The following NLRP2 variants were observed in gnomAD, a reference collection of about 807,000 sequenced individuals.
NLRP2 encodes NACHT, LRR and PYD domains-containing protein 2.
Under a neutral mutation model 97.2 loss-of-function variants are expected in NLRP2, and 107 were observed. The observed-to-expected ratio is 1.10, with a 90% CI of 0.94 to 1.29. NLRP2 has a LOEUF of 1.29. Ranked by LOEUF, NLRP2 falls within the 50% of genes most tolerant of loss-of-function variation. NLRP2 has a pLI of 0.00. For missense variants in NLRP2, 1,495 were observed against 1,330.3 expected (o/e 1.12, Z -1.93); for synonymous variants, 663 against 551.5 (o/e 1.20, Z -2.83).
chr19:54,970,369 GGCCAGGC>G, intron 2 of NLRP2, 74 bp downstream of exon 2: 1 of 1,571,392 alleles, frequency 6.4e-7, no homozygotes, highest in Non-Finnish European at 8.7e-7. Flanking sequence ...AAATTCAGAA[GGCCAGGC>G]GCGCTGGCTC....
Position 55,000,812 on chromosome 19 carries a change from G to A in NLRP2, c.3103G>A (p.Glu1035Lys). 1 of 1,613,668 alleles carries A rather than the reference G, an allele frequency of 6.2e-7. No homozygotes were observed. Among genetic ancestry groups the A allele is most frequent in the Non-Finnish European group, 8.5e-7 (1 of 1,179,716 alleles). Residue 1035 changes from glutamate (E) to lysine (K), a missense_variant, in exon 13 of 13, where the codon GAA becomes AAA. Transcript: ENST00000448584. ...DELNKLLEEI[E>K]EKNPQLIIDT... ...ACTCAATAAGCTGCTGGAAGAAATAGAAGAAAAAAACCCACAACTGATTAT... is the reference window on the plus strand; with the variant it reads ...ACTCAATAAGCTGCTGGAAGAAATAAAAGAAAAAAACCCACAACTGATTAT...
At position 54,990,511 on chromosome 19, in the gene NLRP2, C is replaced by CT. The variant is rs2072399598; in HGVS notation, c.2548dup (p.Cys850LeufsTer41). 8.1e-6 allele frequency: 13 copies of CT among 1,614,176 alleles called. No individual in the cohort carries two copies. Among genetic ancestry groups the CT allele is most frequent in the Non-Finnish European group, 9.3e-6 (11 of 1,180,024 alleles). Reference sequence around the variant, plus strand: ...TGTGATTCTTTTGTAGGTTGGAAAACTGTCACCTTACAGAAGCCAATTGCA... The same window carrying CT: ...TGTGATTCTTTTGTAGGTTGGAAAACTTGTCACCTTACAGAAGCCAATTGCA... On this transcript the variant is annotated frameshift_variant, in exon 10 of 13. Coordinates refer to ENST00000448584, the MANE Select transcript of NLRP2 (RefSeq NM_017852.5). LOFTEE classifies it high-confidence loss of function.
chr19:54,981,187 T>C (rs2071546163), intron 4 of NLRP2, among the ~76,000 whole-genome samples: 1 of 152,138 alleles, frequency 6.6e-6, no homozygotes, highest in African/African-American at 2.4e-5. Context: ...TTTATTTTAT[T>C]GAGATGGAGT....
intron 8 of NLRP2, chr19:54,989,666 C>T: frequency 2.6e-6 from 1 of 385,050 alleles, no homozygotes; most frequent in Non-Finnish European, 4.9e-6. Flanking sequence ...AAACCAAAGA[C>T]GATTCCACGG....
At chr19:54,999,468 G>A (rs1311660455) in intron 12 of NLRP2, among the ~76,000 whole-genome samples, 1 of 152,108 alleles carries the variant, frequency 6.6e-6, no homozygotes, top group African/African-American at 2.4e-5. Context: ...TGTTTAACTG[G>A]TACTCCGGGG....
chr19:54,988,997 G>T (rs917927913), intron 8 of NLRP2, among the ~76,000 whole-genome samples: 1 of 151,876 alleles, frequency 6.6e-6, no homozygotes, highest in Admixed American at 6.6e-5. Context: ...TTGCTCTGTC[G>T]CCCAGGCTAG....
chr19:54,991,010 C>G (rs1335486686), intron 10 of NLRP2: 1 of 365,952 alleles, frequency 2.7e-6, no homozygotes, highest in Non-Finnish European at 5.1e-6. Context: ...CCTTGGCCTC[C>G]CAAAGTGCTA....
At chr19:54,996,302 G>C (rs1249524770) in intron 11 of NLRP2, among the ~76,000 whole-genome samples, 5 of 151,982 alleles carry the variant, frequency 3.3e-5, no homozygotes, top group Non-Finnish European at 7.4e-5. Context: ...GGAGTTCGTA[G>C]ACCAGCCTGT....
In NLRP2 at chr19:54,981,974, C is replaced by T. The variant is rs138207009; in HGVS notation, c.464-188C>T. Among the ~76,000 whole-genome samples the T allele has an allele frequency of 2.4e-3, 359 of 152,224 alleles. 9 individuals carry two copies. The East Asian group carries it at 0.05, about 21-fold the overall frequency. On this transcript the variant is annotated intron_variant, in intron 5 of 12. Transcript: ENST00000448584. The stretch of plus-strand genomic sequence containing the variant: ...TTTATTTTTAGTAGAGACAAGGTTT[C>T]TTCATGTTGGTCAGGCTGGTGTTGA...
chr19:54,985,224 A>G lies in NLRP2; in HGVS notation c.2201+7A>G, dbSNP rs1206594365. ...GTCATCTCCAGAGAGTGGTGTAAGT[A>G]GAAACTAATTCATGAACTCAAATCC... On this transcript the variant is annotated splice_region_variant and intron_variant, in intron 7 of 12. Transcript: ENST00000448584. 1 of 1,613,040 alleles carries G rather than the reference A, an allele frequency of 6.2e-7. No homozygotes were observed. Among genetic ancestry groups the G allele is most frequent in the South Asian group, 1.1e-5 (1 of 91,072 alleles).
chr19:54,979,390 T>C (rs905141020), intron 4 of NLRP2, among the ~76,000 whole-genome samples: 1 of 152,108 alleles, frequency 6.6e-6, no homozygotes, highest in African/African-American at 2.4e-5. Context: ...TCGCCCAGGC[T>C]AGAGTGCAAT....
Position 55,000,869 on chromosome 19 carries a change from A to G in NLRP2, c.3160A>G (p.Arg1054Gly), listed in dbSNP as rs757870937. 10 of 1,613,678 alleles carry G rather than the reference A, an allele frequency of 6.2e-6. No individual in the cohort carries two copies. The African/African-American group carries it at 9.3e-5, about 15-fold the overall frequency. The change falls in exon 13 of 13, where the codon AGG becomes GGG. Residue 1054 changes from arginine (R) to glycine (G), a missense_variant. Arg to Gly is a moderately radical substitution (Grantham distance 125). Coordinates refer to ENST00000448584, the MANE Select transcript of NLRP2 (RefSeq NM_017852.5). ...DTEKHHPWAE[R>G]PSSHDFMI ...TGAGAAACATCATCCCTGGGCAGAA[A>G]GGCCTTCTTCTCATGACTTCATGAT...
intron 5 of NLRP2, 71 bp from the exon 6 acceptor site, chr19:54,982,091 T>G: frequency 1.9e-6 from 3 of 1,593,110 alleles, no homozygotes; most frequent in Non-Finnish European, 2.6e-6. Flanking sequence ...ACAAGGCATT[T>G]TGTTATTTTG....
At chr19:54,999,024 C>CTCA (rs1389415080) in intron 12 of NLRP2, among the ~76,000 whole-genome samples, 161 of 150,556 alleles carry the variant, frequency 1.1e-3, no homozygotes, top group Admixed American at 1.8e-3. Context: ...GGCTGACCCC[C>CTCA]CCACCTCCCT....
chr19:54,976,937 C>T (rs916570563), intron 3 of NLRP2: 6 of 385,278 alleles, frequency 1.6e-5, no homozygotes, highest in Admixed American at 1.0e-4. Flanking sequence ...GCCTCAGCCT[C>T]GCAAGTAGCT....
chr19:54,990,951 C>A, intron 10 of NLRP2: 1 of 483,700 alleles, frequency 2.1e-6, no homozygotes, highest in Non-Finnish European at 3.8e-6. Flanking sequence ...GGGATCTCGC[C>A]GTGTTGCCTA....
chr19:54,983,564 G>C lies in NLRP2; in HGVS notation c.1866G>C (p.Met622Ile), dbSNP rs1461708515. The C allele has an allele frequency of 2.5e-6, 4 of 1,614,016 alleles. No homozygotes were observed. The highest frequency in any genetic ancestry group is 1.7e-5 in the Admixed American group (1 of 59,988). Residue 622 changes from methionine to isoleucine, a missense_variant, in exon 6 of 13, where the codon ATG becomes ATC. Met to Ile is a conservative substitution (Grantham distance 10, BLOSUM62 1). Transcript: ENST00000448584. ...SQEEELVKEV[M>I]AQFKEISLHL... is the part of the protein sequence containing the mutation. Reference sequence around the variant, plus strand: ...AGGAGGAGCTGGTGAAGGAGGTGATGGCTCAGTTCAAAGAAATATCCCTGC... The same window carrying C: ...AGGAGGAGCTGGTGAAGGAGGTGATCGCTCAGTTCAAAGAAATATCCCTGC...
intron 8 of NLRP2, among the ~76,000 whole-genome samples, chr19:54,989,061 G>A (rs1292487814): frequency 6.6e-6 from 1 of 151,910 alleles, no homozygotes; most frequent in African/African-American, 2.4e-5. Context: ...GGGTTCAAGT[G>A]ATTCTCTTGC....
intron 10 of NLRP2, chr19:54,993,880 CT>C (rs796622841): frequency 2.6e-5 from 8 of 306,822 alleles, no homozygotes; most frequent in African/African-American, 1.7e-4. Context: ...CATTCCTTGG[CT>C]TGTGGCCCTT....
Sources: allele counts gnomAD v4.1 joint callset (sites outside exome capture counted in the v4.1 genomes callset), GRCh38; gene constraint gnomAD v4.1.1; transcripts MANE v1.5; gene names NCBI Gene and HGNC (gene_info 2026-07-23, HGNC 2026-07-21).